Variants in MRTFA observed in about 807,000 individuals in gnomAD.
MRTFA encodes myocardin-related transcription factor A.
A neutral mutation model predicts 83.5 loss-of-function variants in MRTFA; 20 were observed. That is an observed-to-expected ratio of 0.24 (90% CI 0.17 to 0.35). The LOEUF is 0.35. Among genes scored for constraint, MRTFA ranks in the 10% least tolerant of loss-of-function variants. The probability of loss-of-function intolerance (pLI) is 1.00; values close to 1 mark genes in which losing one functional copy is unlikely to be tolerated. For missense variants in MRTFA, 1,200 were observed against 1,224.7 expected, an observed-to-expected ratio of 0.98 and a Z score of 0.30; for synonymous variants, 659 against 541.2, an observed-to-expected ratio of 1.22 and a Z score of -3.02.
In MRTFA at chr22:40,634,249, G is replaced by A. The variant is rs375905158; in HGVS notation, c.-84+2229C>T. On this transcript the variant is annotated intron_variant, in intron 1 of 14. Coordinates refer to ENST00000355630, the MANE Select transcript of MRTFA (RefSeq NM_020831.6). ...ACTACAGGTGCAAGCCACCACGTCT[G>A]CTAATTCTTTAACTTTTTTGTGGAG... Among the ~76,000 whole-genome samples the A allele has an allele frequency of 2.4e-3, 372 of 152,172 alleles. 2 individuals are homozygous for A. Among genetic ancestry groups the A allele is most frequent in the African/African-American group, 8.4e-3 (348 of 41,524 alleles).
At chr22:40,514,474 ATTTTT>A (rs979030081) in intron 3 of MRTFA, among the ~76,000 whole-genome samples, 16 of 129,124 alleles carry the variant, frequency 1.2e-4, no homozygotes, top group Non-Finnish European at 2.2e-4. Context: ...TCCCTCCTAC[ATTTTT>A]TTTTTTTTTT....
intron 2 of MRTFA, among the ~76,000 whole-genome samples, chr22:40,555,369 G>A (rs1355371933): frequency 6.6e-6 from 1 of 152,064 alleles, no homozygotes; most frequent in African/African-American, 2.4e-5. Flanking sequence ...CTCATGGATT[G>A]GTGCTGTCCA....
At chr22:40,441,466 T>C (rs896300543) in intron 4 of MRTFA, among the ~76,000 whole-genome samples, 6 of 152,204 alleles carry the variant, frequency 3.9e-5, no homozygotes, top group African/African-American at 1.4e-4. Context: ...GGTGAAAAAC[T>C]GTTTCCACTT....
intron 3 of MRTFA, among the ~76,000 whole-genome samples, chr22:40,520,192 T>C (rs7289671): frequency 0.067 from 10,263 of 152,226 alleles, 512 homozygotes; most frequent in South Asian, 0.11. Context: ...AAAATTGAGA[T>C]ACAATTCACA....
chr22:40,519,764 G>C (rs1307118708), intron 3 of MRTFA, among the ~76,000 whole-genome samples: 1 of 152,220 alleles, frequency 6.6e-6, no homozygotes, highest in East Asian at 1.9e-4. Flanking sequence ...AAGTCTGAGT[G>C]AAAGTGATCA....
intron 3 of MRTFA, chr22:40,526,132 C>G (rs2054967837): frequency 6.6e-6 from 1 of 152,188 alleles, no homozygotes; most frequent in African/African-American, 2.4e-5. Context: ...CCTCCCCACT[C>G]AGCCTCCTGT....
chr22:40,585,360 G>A (rs1029738973), intron 2 of MRTFA, among the ~76,000 whole-genome samples: 8 of 152,076 alleles, frequency 5.3e-5, no homozygotes, highest in Non-Finnish European at 1.0e-4. Context: ...TACCTAGAGA[G>A]GTCAAAATCA....
In MRTFA at chr22:40,418,708, T is replaced by C; in HGVS notation, c.2030A>G (p.Gln677Arg). Residue 677 changes from glutamine to arginine, a missense_variant, in exon 12 of 15, where the codon CAG becomes CGG. This residue lies in a region of MRTFA where 1,107 missense variants were observed against 1,041.8 expected (regional missense o/e 1.06). Coordinates refer to ENST00000355630, the MANE Select transcript of MRTFA (RefSeq NM_020831.6). Reference sequence around the variant, plus strand: ...CTGGCAGCTGGAGAAGCTGTTCTCCTGCTTCACGGGGGTGCCGAGGGGGGC... The same window carrying C: ...CTGGCAGCTGGAGAAGCTGTTCTCCCGCTTCACGGGGGTGCCGAGGGGGGC... The C allele has an allele frequency of 2.7e-6, 3 of 1,131,998 alleles. No homozygotes were observed. Among genetic ancestry groups the C allele is most frequent in the Non-Finnish European group, 3.4e-6 (3 of 888,684 alleles). The allele number at this position is 1,131,998 out of a possible 1,614,324, so 70.1% of individuals were successfully genotyped here.
At chr22:40,425,219 G>A (rs2052928015) in intron 7 of MRTFA, among the ~76,000 whole-genome samples, 1 of 152,248 alleles carries the variant, frequency 6.6e-6, no homozygotes. Flanking sequence ...TGGGGTCCCA[G>A]TGGGAAGGAA....
chr22:40,590,156 T>C (rs1470683774), intron 2 of MRTFA, among the ~76,000 whole-genome samples: 1 of 152,196 alleles, frequency 6.6e-6, no homozygotes, highest in Non-Finnish European at 1.5e-5. Flanking sequence ...CAGGTTAGTT[T>C]GTTGCTCTAA....
chr22:40,502,780 G>A (rs952566800), intron 3 of MRTFA, among the ~76,000 whole-genome samples: 2 of 151,894 alleles, frequency 1.3e-5, no homozygotes, highest in Non-Finnish European at 2.9e-5. Context: ...TCGCCGGCGC[G>A]GCGGCAAAGA....
chr22:40,626,440 A>G (rs944293969), intron 1 of MRTFA, among the ~76,000 whole-genome samples: 1 of 152,078 alleles, frequency 6.6e-6, no homozygotes, highest in East Asian at 1.9e-4. Flanking sequence ...TTATCGGTGC[A>G]CAGCGCCGCG....
At chr22:40,537,772 G>T (rs2055209418) in intron 3 of MRTFA, among the ~76,000 whole-genome samples, 1 of 30,606 alleles carries the variant, frequency 3.3e-5, no homozygotes, top group African/African-American at 1.8e-4. Context: ...GGAGGTGGGG[G>T]GGTCAGCCCC....
At chr22:40,545,122 TGAGCTGAAGCCTAAGGGCTTA>T (rs906787880) in intron 3 of MRTFA, among the ~76,000 whole-genome samples, 2 of 152,070 alleles carry the variant, frequency 1.3e-5, no homozygotes, top group Non-Finnish European at 2.9e-5. Context: ...CAGAACTCCT[TGAGCTGAAGCCTAAGGGCTTA>T]GTTCATTAGA....
intron 2 of MRTFA, among the ~76,000 whole-genome samples, chr22:40,557,762 G>C (rs1321896428): frequency 1.3e-5 from 2 of 151,698 alleles, no homozygotes; most frequent in Admixed American, 6.6e-5. Context: ...TAGATGTCTT[G>C]GCAAAAAAAA....
chr22:40,412,908 G>A (rs527407885), intron 14 of MRTFA: 3 of 152,286 alleles, frequency 2.0e-5, no homozygotes, highest in African/African-American at 7.2e-5. Flanking sequence ...GGCCAAGTGG[G>A]GTGGATTACT....
chr22:40,575,917 G>C (rs1249628237), intron 2 of MRTFA, among the ~76,000 whole-genome samples: 2 of 152,020 alleles, frequency 1.3e-5, no homozygotes, highest in Non-Finnish European at 2.9e-5. Context: ...TGCTAAGACA[G>C]TAAGAGCTCA....
chr22:40,446,164 T>C lies in MRTFA; in HGVS notation c.308-10610A>G, dbSNP rs181151631. On this transcript the variant is annotated intron_variant, in intron 4 of 14. Coordinates refer to ENST00000355630, the MANE Select transcript of MRTFA (RefSeq NM_020831.6). Reference sequence around the variant, plus strand: ...GTCTTTGTAATTAACACATAATCTATGGGGTATCATTTTGATGCCACGTGA... The same window carrying C: ...GTCTTTGTAATTAACACATAATCTACGGGGTATCATTTTGATGCCACGTGA... Among the ~76,000 whole-genome samples, 137 of 152,334 alleles carry C rather than the reference T, an allele frequency of 9.0e-4. 1 individual carries two copies. In the Middle Eastern group the frequency reaches 0.02, roughly 23 times the overall value.
intron 7 of MRTFA, among the ~76,000 whole-genome samples, chr22:40,425,302 A>G (rs1436955753): frequency 6.6e-6 from 1 of 152,232 alleles, no homozygotes; most frequent in Non-Finnish European, 1.5e-5. Flanking sequence ...TGTCGTGGGA[A>G]GAGGTGGGGG....
Sources: gnomAD v4.1 joint callset for allele counts (sites outside exome capture counted in the v4.1 genomes callset) on GRCh38, gnomAD v4.1.1 for gene constraint, gnomAD v4.1.1 regional missense constraint, MANE v1.5 for transcripts, NCBI Gene and HGNC (gene_info 2026-07-23, HGNC 2026-07-21) for gene names.